Variants in SPINK5 observed in about 807,000 individuals in gnomAD.
The protein encoded by SPINK5 is serine peptidase inhibitor Kazal type 5.
Under a neutral mutation model 151.8 loss-of-function variants are expected in SPINK5, and 125 were observed. That is an observed-to-expected ratio of 0.82 (90% CI 0.71 to 0.96). SPINK5 has a LOEUF of 0.96. Ranked by LOEUF, SPINK5 falls within the 40% of genes least tolerant of loss-of-function variation. The pLI is 0.00. For missense variants in SPINK5, 1,194 were observed against 1,291.9 expected (o/e 0.92, Z 1.16); for synonymous variants, 374 against 395.3 (o/e 0.95, Z 0.64).
At chr5:148,079,285 A>C (rs1375781460) in intron 4 of SPINK5, among the ~76,000 whole-genome samples, 2 of 151,384 alleles carry the variant, frequency 1.3e-5, no homozygotes, top group South Asian at 2.1e-4. Flanking sequence ...CAGTAATTAA[A>C]TTTAAAAAAA....
intron 23 of SPINK5, 107 bp from the exon 24 acceptor site, chr5:148,118,879 A>C: frequency 8.7e-7 from 1 of 1,150,998 alleles, no homozygotes; most frequent in African/African-American, 1.5e-5. Context: ...ATTGACCAGC[A>C]CAGTTGAAGA....
chr5:148,076,656 G>C (rs1752888904), intron 4 of SPINK5, among the ~76,000 whole-genome samples: 1 of 151,656 alleles, frequency 6.6e-6, no homozygotes, highest in Middle Eastern at 3.4e-3. Context: ...AAGACTTGAA[G>C]CAACTATTAA....
At chr5:148,120,982 A>G (rs1405918808) in intron 26 of SPINK5, among the ~76,000 whole-genome samples, 1 of 151,740 alleles carries the variant, frequency 6.6e-6, no homozygotes, top group African/African-American at 2.4e-5. Context: ...GTCTCTACTA[A>G]AAGTACAAAA....
intron 8 of SPINK5, among the ~76,000 whole-genome samples, chr5:148,091,926 T>C (rs1753322819): frequency 6.6e-6 from 1 of 151,864 alleles, no homozygotes; most frequent in African/African-American, 2.4e-5. Context: ...ATCACCTACT[T>C]TCAATGAGAG....
intron 27 of SPINK5, 47 bp downstream of exon 27, chr5:148,124,007 C>T (rs1754364205): frequency 1.9e-6 from 3 of 1,608,978 alleles, no homozygotes; most frequent in African/African-American, 2.7e-5. Flanking sequence ...TGCCTGTTTG[C>T]TAGAAATTAG....
intron 26 of SPINK5, among the ~76,000 whole-genome samples, chr5:148,122,268 GGAAAA>G (rs1754289997): frequency 6.6e-6 from 1 of 152,068 alleles, no homozygotes; most frequent in African/African-American, 2.4e-5. Context: ...GTGAGCACCT[GGAAAA>G]GAAAATACTT....
Position 148,099,661 on chromosome 5 carries a change from T to TA in SPINK5, c.1092+352dup, listed in dbSNP as rs1255624681. Among the ~76,000 whole-genome samples the TA allele has an allele frequency of 2.6e-5, 4 of 152,090 alleles. No individual in the cohort carries two copies. The East Asian group carries it at 5.8e-4, about 22-fold the overall frequency. ...CTGATATTTCACATCTAATTTGAGATAAAAAATACCTTGATTCCCCCACCA... is the reference window on the plus strand; with the variant it reads ...CTGATATTTCACATCTAATTTGAGATAAAAAAATACCTTGATTCCCCCACCA... On this transcript the variant is annotated intron_variant, in intron 12 of 32. Transcript: ENST00000256084.
chr5:148,136,782 C>G (rs1314780721), intron 32 of SPINK5, among the ~76,000 whole-genome samples: 1 of 152,180 alleles, frequency 6.6e-6, no homozygotes, highest in Non-Finnish European at 1.5e-5. Flanking sequence ...TTGTGTCCAC[C>G]TCAACACGTA....
chr5:148,068,119 A>G (rs1298989738), intron 2 of SPINK5, among the ~76,000 whole-genome samples: 1 of 152,154 alleles, frequency 6.6e-6, no homozygotes, highest in Non-Finnish European at 1.5e-5. Context: ...CAAAGTTGGC[A>G]TTTGATACTG....
intron 28 of SPINK5, chr5:148,125,075 C>T (rs1754396788): frequency 3.9e-6 from 2 of 513,180 alleles, no homozygotes; most frequent in Non-Finnish European, 3.1e-6. Context: ...TTTAGTCTTT[C>T]CTCCTTGGGA....
intron 21 of SPINK5, among the ~76,000 whole-genome samples, chr5:148,115,381 G>C (rs1353074255): frequency 6.6e-6 from 1 of 152,290 alleles, no homozygotes; most frequent in East Asian, 1.9e-4. Flanking sequence ...GTTCAGATAG[G>C]ACAGTAAGTG....
chr5:148,080,196 A>T (rs1752983619), intron 4 of SPINK5, among the ~76,000 whole-genome samples: 1 of 151,366 alleles, frequency 6.6e-6, no homozygotes, highest in South Asian at 2.1e-4. Flanking sequence ...TACAAGACTT[A>T]TACACTAAAA....
intron 11 of SPINK5, among the ~76,000 whole-genome samples, chr5:148,098,828 C>T (rs992543516): frequency 1.3e-5 from 2 of 152,108 alleles, no homozygotes; most frequent in African/African-American, 4.8e-5. Context: ...CAAAGACCCC[C>T]TCTACCTCTC....
chr5:148,092,488 G>A (rs1753337874), intron 8 of SPINK5, among the ~76,000 whole-genome samples: 1 of 151,706 alleles, frequency 6.6e-6, no homozygotes, highest in East Asian at 1.9e-4. Flanking sequence ...TTTTTCATTA[G>A]GTCTCTGTAC....
chr5:148,070,724 A>ATG (rs980716230), intron 3 of SPINK5, among the ~76,000 whole-genome samples: 1 of 152,094 alleles, frequency 6.6e-6, no homozygotes, highest in Non-Finnish European at 1.5e-5. Flanking sequence ...TCTTTTGAGG[A>ATG]TGTAGTTCCA....
chr5:148,118,121 C>T (rs556617731), intron 22 of SPINK5, among the ~76,000 whole-genome samples: 8 of 152,160 alleles, frequency 5.3e-5, no homozygotes, highest in Non-Finnish European at 1.2e-4. Context: ...TGGGTTCAAA[C>T]GATTCTCCTG....
At chr5:148,095,948 G>A (rs919037667) in intron 10 of SPINK5, 43 bp downstream of exon 10, 13 of 1,469,818 alleles carry the variant, frequency 8.8e-6, no homozygotes, top group Non-Finnish European at 1.2e-5. Flanking sequence ...TTGTGTGTGT[G>A]TGGGGGGGTG....
chr5:148,114,299 A>G, intron 20 of SPINK5, 63 bp from the exon 21 acceptor site: 1 of 1,563,212 alleles, frequency 6.4e-7, no homozygotes, highest in Non-Finnish European at 8.7e-7. Flanking sequence ...AGCACTTAGT[A>G]GGAACCCAGT....
At chr5:148,093,094 T>C (rs1454016076) in intron 8 of SPINK5, among the ~76,000 whole-genome samples, 3 of 151,870 alleles carry the variant, frequency 2.0e-5, no homozygotes, top group Non-Finnish European at 2.9e-5. Flanking sequence ...TTGCCTGAAA[T>C]TGAATGACGA....
Sources: gnomAD v4.1 joint callset for allele counts (sites outside exome capture counted in the v4.1 genomes callset) on GRCh38, gnomAD v4.1.1 for gene constraint, MANE v1.5 for transcripts, NCBI Gene and HGNC (gene_info 2026-07-23, HGNC 2026-07-21) for gene names.